Variants in ERC2 observed in about 807,000 individuals in gnomAD.
ERC2 encodes the protein ERC protein 2.
Under a neutral mutation model 114.8 loss-of-function variants are expected in ERC2, and 42 were observed. The ratio of observed to expected loss-of-function variants is 0.37; its 90% CI spans 0.29 to 0.47. The LOEUF is 0.47. Ranked by LOEUF, ERC2 falls within the 20% of genes least tolerant of loss-of-function variation. The pLI, the probability that ERC2 is intolerant of heterozygous loss-of-function variation, is 0.99. For synonymous variants in ERC2, 454 were observed against 425.5 expected, an observed-to-expected ratio of 1.07 and a Z score of -0.82; for missense variants, 939 against 1,150.7, an observed-to-expected ratio of 0.82 and a Z score of 2.66.
At chr3:56,325,665 G>T (rs1028782286) in intron 2 of ERC2, among the ~76,000 whole-genome samples, 1 of 152,112 alleles carries the variant, frequency 6.6e-6, no homozygotes, top group African/African-American at 2.4e-5. Flanking sequence ...TTGTCATTAT[G>T]AACTATATGT....
intron 15 of ERC2, among the ~76,000 whole-genome samples, chr3:55,705,642 A>G (rs373146620): frequency 5.9e-5 from 9 of 152,166 alleles, no homozygotes; most frequent in Admixed American, 3.9e-4. Flanking sequence ...CTGCTATAGC[A>G]TCAGTCCTTC....
intron 14 of ERC2, among the ~76,000 whole-genome samples, chr3:55,831,938 A>G (rs55739628): frequency 0.18 from 27,204 of 152,184 alleles, 3,592 homozygotes; most frequent in African/African-American, 0.37. Context: ...AAAAAACGGC[A>G]CACCAGGAGA....
intron 3 of ERC2, among the ~76,000 whole-genome samples, chr3:56,268,802 G>A (rs1027211864): frequency 1.3e-5 from 2 of 152,128 alleles, no homozygotes; most frequent in African/African-American, 2.4e-5. Context: ...CTAACAAAAC[G>A]TATCGCTTTA....
chr3:56,440,148 T>C (rs979966414), intron 1 of ERC2, among the ~76,000 whole-genome samples: 1 of 152,060 alleles, frequency 6.6e-6, no homozygotes, highest in Non-Finnish European at 1.5e-5. Flanking sequence ...AAGCAGAAAA[T>C]GAAAACACTC....
Position 55,583,556 on chromosome 3 carries a change from C to T in ERC2, c.*40-72280G>A, listed in dbSNP as rs796798169. ...TCCTTCCTTCCTTTCTTCCTTCCTT[C>T]CTTCCTTCCTTCCTTCCTTCCTTCC... On this transcript the variant is annotated intron_variant, in intron 17 of 17. Coordinates refer to ENST00000288221, the MANE Select transcript of ERC2 (RefSeq NM_015576.3). Among the ~76,000 whole-genome samples the T allele has an allele frequency of 2.4e-5, 3 of 123,436 alleles. No homozygotes were observed. The Admixed American group carries it at 2.6e-4, about 11-fold the overall frequency. 81.0% of individuals were successfully genotyped at this position (123,436 alleles called of 152,430 possible). A position where few individuals can be genotyped will look rare whatever the true frequency, so the allele number is the denominator to read the frequency against.
intron 17 of ERC2, among the ~76,000 whole-genome samples, chr3:55,547,727 G>T (rs1052265384): frequency 6.6e-6 from 1 of 152,190 alleles, no homozygotes; most frequent in African/African-American, 2.4e-5. Flanking sequence ...CCTCAGTGCT[G>T]CAAATATAGG....
intron 17 of ERC2, among the ~76,000 whole-genome samples, chr3:55,680,499 C>T (rs2062007175): frequency 6.6e-6 from 1 of 152,176 alleles, no homozygotes; most frequent in Non-Finnish European, 1.5e-5. Context: ...CAAATGATAC[C>T]TACATTAAGT....
intron 14 of ERC2, among the ~76,000 whole-genome samples, chr3:55,790,753 T>C (rs1037051240): frequency 1.3e-5 from 2 of 152,204 alleles, no homozygotes; most frequent in African/African-American, 4.8e-5. Context: ...CTAATGTCTT[T>C]TCATTTATCA....
chr3:55,797,127 G>C (rs966456930), intron 14 of ERC2, among the ~76,000 whole-genome samples: 1 of 152,088 alleles, frequency 6.6e-6, no homozygotes, highest in African/African-American at 2.4e-5. Context: ...TATGAAATAA[G>C]ACACTTCCAG....
intron 12 of ERC2, among the ~76,000 whole-genome samples, chr3:55,975,154 G>C (rs2069483801): frequency 6.6e-6 from 1 of 151,722 alleles, no homozygotes; most frequent in African/African-American, 2.4e-5. Flanking sequence ...TCAAAAATGG[G>C]ACTGAGTAAT....
intron 2 of ERC2, among the ~76,000 whole-genome samples, chr3:56,426,622 A>C (rs2061579167): frequency 6.6e-6 from 1 of 152,198 alleles, no homozygotes; most frequent in Admixed American, 6.5e-5. Context: ...TGTGGGGTTT[A>C]GTTGTACATT....
chr3:55,779,209 C>T (rs527754990), intron 14 of ERC2, among the ~76,000 whole-genome samples: 9 of 151,212 alleles, frequency 6.0e-5, no homozygotes, highest in South Asian at 4.2e-4. Flanking sequence ...AGGCCAGGTG[C>T]GGTGGCTCAC....
At chr3:56,058,428 A>G (rs1576747147) in intron 7 of ERC2, among the ~76,000 whole-genome samples, 1 of 152,144 alleles carries the variant, frequency 6.6e-6, no homozygotes, top group African/African-American at 2.4e-5. Context: ...CACCACCCCA[A>G]TCACTTCTGA....
intron 17 of ERC2, among the ~76,000 whole-genome samples, chr3:55,604,469 C>T (rs920793833): frequency 6.6e-6 from 1 of 152,144 alleles, no homozygotes; most frequent in Admixed American, 6.5e-5. Flanking sequence ...ATTCTCTCTA[C>T]CCTACTTCCC....
At chr3:56,008,779 C>T in intron 9 of ERC2, among the ~76,000 whole-genome samples, 1 of 152,126 alleles carries the variant, frequency 6.6e-6, no homozygotes, top group East Asian at 1.9e-4. Context: ...AAGTGAAAGG[C>T]CTATGAGCAG....
intron 17 of ERC2, among the ~76,000 whole-genome samples, chr3:55,567,564 G>C (rs1213525125): frequency 2.0e-5 from 3 of 152,236 alleles, no homozygotes; most frequent in South Asian, 2.1e-4. Flanking sequence ...ACTCAGCTGG[G>C]AGGTGATGGT....
intron 2 of ERC2, among the ~76,000 whole-genome samples, chr3:56,358,499 G>A (rs189774582): frequency 4.7e-4 from 72 of 152,246 alleles, no homozygotes; most frequent in African/African-American, 1.6e-3. Flanking sequence ...TAGTTAATAG[G>A]TCAAAAGCCT....
At chr3:56,199,928 T>G in intron 3 of ERC2, among the ~76,000 whole-genome samples, 1 of 151,960 alleles carries the variant, frequency 6.6e-6, no homozygotes, top group Admixed American at 6.6e-5. Flanking sequence ...TACAAGAGGA[T>G]AAGTAGGGGT....
At chr3:55,558,002 C>A (rs1292907785) in intron 17 of ERC2, among the ~76,000 whole-genome samples, 1 of 152,216 alleles carries the variant, frequency 6.6e-6, no homozygotes, top group Non-Finnish European at 1.5e-5. Context: ...GTTTTATGAC[C>A]TTTCTGTGCC....
Sources: allele counts gnomAD v4.1 joint callset (sites outside exome capture counted in the v4.1 genomes callset), GRCh38; gene constraint gnomAD v4.1.1; transcripts MANE v1.5; gene names NCBI Gene and HGNC (gene_info 2026-07-23, HGNC 2026-07-21).